AHCTF1: variants seen among roughly 807,000 people sequenced by gnomAD.
The protein encoded by AHCTF1 is AT-hook containing transcription factor 1.
A neutral mutation model predicts 248.4 loss-of-function variants in AHCTF1; 24 were observed. The observed-to-expected ratio is 0.10, with a 90% confidence interval of 0.07 to 0.14. The LOEUF is 0.14. Ranked by LOEUF, AHCTF1 falls within the 10% of genes least tolerant of loss-of-function variation. AHCTF1 has a pLI of 1.00. For missense variants in AHCTF1, 2,206 were observed against 2,636.2 expected, an observed-to-expected ratio of 0.84 and a Z score of 3.57; for synonymous variants, 786 against 929.8, an observed-to-expected ratio of 0.85 and a Z score of 2.81.
At chr1:246,849,198 C>A (rs1660511427) in intron 33 of AHCTF1, among the ~76,000 whole-genome samples, 1 of 152,268 alleles carries the variant, frequency 6.6e-6, no homozygotes, top group Middle Eastern at 3.4e-3. Context: ...GAAATAATTT[C>A]TGTATCTTAG....
At chr1:246,865,671 C>T (rs1203697759) in intron 26 of AHCTF1, among the ~76,000 whole-genome samples, 2 of 152,154 alleles carry the variant, frequency 1.3e-5, no homozygotes, top group Non-Finnish European at 2.9e-5. Flanking sequence ...TGAATGAATG[C>T]TTCTCAAAAG....
chr1:246,854,116 G>A (rs549743131), intron 31 of AHCTF1, among the ~76,000 whole-genome samples: 9 of 151,944 alleles, frequency 5.9e-5, no homozygotes, highest in Non-Finnish European at 1.2e-4. Context: ...TGGCTAACAC[G>A]GTGAAACCCT....
At chr1:246,872,951 T>A (rs1385154762) in intron 24 of AHCTF1, among the ~76,000 whole-genome samples, 1 of 152,118 alleles carries the variant, frequency 6.6e-6, no homozygotes, top group Non-Finnish European at 1.5e-5. Context: ...AAAATCCAAA[T>A]CGCCTCCAGA....
At chr1:246,930,978 G>T in intron 1 of AHCTF1, 1 of 1,181,406 alleles carries the variant, frequency 8.5e-7, no homozygotes, top group Non-Finnish European at 1.1e-6. Context: ...AGTGGCAAAA[G>T]AAACCGTCCT....
Position 246,889,950 on chromosome 1 carries a change from A to C in AHCTF1, c.2144+16T>G. 1.3e-6 allele frequency: 2 copies of C among 1,589,844 alleles called. No homozygotes were observed. The highest frequency in any genetic ancestry group is 1.7e-6 in the Non-Finnish European group (2 of 1,165,462). The stretch of plus-strand genomic sequence containing the variant: ...GACTTCTTACAGATGTAATTTCTAA[A>C]ATTGTTTTACTATACCTTGATAAAC... On this transcript the variant is annotated intron_variant, in intron 17 of 35. Coordinates refer to ENST00000648844, the MANE Select transcript of AHCTF1 (RefSeq NM_001323342.2).
intron 11 of AHCTF1, among the ~76,000 whole-genome samples, chr1:246,898,653 CACACACACACAG>C (rs1172193742): frequency 1.2e-4 from 15 of 126,146 alleles, no homozygotes; most frequent in African/African-American, 4.8e-4. Flanking sequence ...CACACACACA[CACACACACACAG>C]GAAAACTCCT....
chr1:246,885,855 CA>C (rs1439033666), intron 20 of AHCTF1, among the ~76,000 whole-genome samples, 175 bp from the exon 21 acceptor site: 1 of 152,122 alleles, frequency 6.6e-6, no homozygotes, highest in Admixed American at 6.5e-5. Flanking sequence ...CTACAGGATC[CA>C]TATCTGCAGA....
At chr1:246,905,802 T>C (rs1409192655) in intron 5 of AHCTF1, 145 bp from the exon 6 acceptor site, 4 of 632,674 alleles carry the variant, frequency 6.3e-6, no homozygotes, top group Non-Finnish European at 1.1e-5. Flanking sequence ...AGTCATCTTA[T>C]CTGCAAAAAT....
intron 17 of AHCTF1, among the ~76,000 whole-genome samples, chr1:246,889,364 G>C (rs1664052357): frequency 6.6e-6 from 1 of 152,098 alleles, no homozygotes; most frequent in Non-Finnish European, 1.5e-5. Context: ...CACTGCACTA[G>C]ATGTCCTGCA....
At chr1:246,877,894 T>C (rs1663091741) in intron 21 of AHCTF1, among the ~76,000 whole-genome samples, 1 of 152,022 alleles carries the variant, frequency 6.6e-6, no homozygotes, top group Non-Finnish European at 1.5e-5. Flanking sequence ...CAGAATCAGG[T>C]AGGAGAATTT....
intron 28 of AHCTF1, among the ~76,000 whole-genome samples, chr1:246,861,608 TA>T (rs1213613313): frequency 6.6e-6 from 1 of 152,126 alleles, no homozygotes; most frequent in Non-Finnish European, 1.5e-5. Context: ...CAAAAACATA[TA>T]ACTAGTTAGA....
At chr1:246,843,769 T>C (rs776174769) in intron 34 of AHCTF1, 26 bp downstream of exon 34, 1 of 1,349,790 alleles carries the variant, frequency 7.4e-7, no homozygotes, top group Non-Finnish European at 9.6e-7. Flanking sequence ...TTAACAAACA[T>C]ACAAATAAAA....
chr1:246,887,444 C>T, intron 19 of AHCTF1, 87 bp from the exon 20 acceptor site: 1 of 1,327,892 alleles, frequency 7.5e-7, no homozygotes, highest in Admixed American at 2.4e-5. Flanking sequence ...CAAAATGTAG[C>T]ATTAAAAGAG....
chr1:246,908,117 G>A (rs1177155262), intron 4 of AHCTF1, among the ~76,000 whole-genome samples: 1 of 152,054 alleles, frequency 6.6e-6, no homozygotes, highest in Non-Finnish European at 1.5e-5. Flanking sequence ...AGCAATGGCT[G>A]ATTCCGGGTC....
intron 31 of AHCTF1, among the ~76,000 whole-genome samples, chr1:246,855,165 T>G (rs191842864): frequency 6.6e-6 from 1 of 152,180 alleles, no homozygotes; most frequent in African/African-American, 2.4e-5. Context: ...AATGAGTTAA[T>G]AGACACAAGA....
chr1:246,920,701 C>T (rs1407412348), intron 1 of AHCTF1, among the ~76,000 whole-genome samples: 2 of 146,622 alleles, frequency 1.4e-5, no homozygotes, highest in East Asian at 2.0e-4. Context: ...ACCTGGGAGG[C>T]GGAGCTTGCA....
chr1:246,902,869 C>T (rs1446060438), intron 7 of AHCTF1, among the ~76,000 whole-genome samples, 194 bp from the exon 8 acceptor site: 1 of 152,124 alleles, frequency 6.6e-6, no homozygotes, highest in East Asian at 1.9e-4. Flanking sequence ...TTTAGTCTCT[C>T]AAAAATAATT....
In AHCTF1 at chr1:246,840,839, A is replaced by G; in HGVS notation, c.6768T>C (p.Tyr2256=). 6.2e-7 allele frequency: 1 copy of G among 1,602,824 alleles called. No homozygotes were observed. ...LGRNRKKLSS[Y]PKQILRRKML The stretch of plus-strand genomic sequence containing the variant: ...TTTTTCTGCGTAAAATTTGCTTTGG[A>G]TAGGAAGACAGTTTCTTTCTGTTCC... The change falls in exon 36 of 36, where the codon TAT becomes TAC. Residue 2256 remains tyrosine (Y), a synonymous_variant. Coordinates refer to ENST00000648844, the MANE Select transcript of AHCTF1 (RefSeq NM_001323342.2).
chr1:246,843,739 G>GT (rs970756328), intron 34 of AHCTF1, 56 bp downstream of exon 34: 46 of 1,033,470 alleles, frequency 4.5e-5, no homozygotes, highest in African/African-American at 1.1e-4. Flanking sequence ...TAAAACATTT[G>GT]TAAAAAAAAA....
Sources: allele counts gnomAD v4.1 joint callset (sites outside exome capture counted in the v4.1 genomes callset), GRCh38; gene constraint gnomAD v4.1.1; transcripts MANE v1.5; gene names NCBI Gene and HGNC (gene_info 2026-07-23, HGNC 2026-07-21).